MED12L: variants seen among roughly 807,000 people sequenced by gnomAD.
MED12L encodes mediator of RNA polymerase II transcription subunit 12-like protein.
MED12L carries 60 observed loss-of-function variants against 281.3 expected under a neutral mutation model. The ratio of observed to expected loss-of-function variants is 0.21; its 90% confidence interval spans 0.17 to 0.26. MED12L has a LOEUF of 0.26. Ranked by LOEUF, MED12L falls within the 10% of genes least tolerant of loss-of-function variation. The probability of loss-of-function intolerance (pLI) is 1.00; values close to 1 mark genes in which losing one functional copy is unlikely to be tolerated. For synonymous variants in MED12L, 974 were observed against 987.2 expected, an observed-to-expected ratio of 0.99 and a Z score of 0.25; for missense variants, 2,146 against 2,680.9, an observed-to-expected ratio of 0.80 and a Z score of 4.41.
intron 11 of MED12L, among the ~76,000 whole-genome samples, chr3:151,170,779 G>A (rs1576882294): frequency 6.6e-6 from 1 of 152,176 alleles, no homozygotes; most frequent in African/African-American, 2.4e-5. Context: ...TGGTAATACT[G>A]AGGTCAGGGC....
At chr3:151,350,775 GTCT>G (rs1469673556) in intron 17 of MED12L, among the ~76,000 whole-genome samples, 1 of 152,138 alleles carries the variant, frequency 6.6e-6, no homozygotes, top group Non-Finnish European at 1.5e-5. Context: ...GCTCTATAAT[GTCT>G]TCTTTAGTTG....
At chr3:151,251,518 C>G (rs760002874) in intron 16 of MED12L, among the ~76,000 whole-genome samples, 1 of 152,166 alleles carries the variant, frequency 6.6e-6, no homozygotes, top group African/African-American at 2.4e-5. Flanking sequence ...AGAGGAATCC[C>G]TCTAAAATAC....
chr3:151,337,796 A>G (rs1376134000), intron 16 of MED12L: 43 of 1,611,016 alleles, frequency 2.7e-5, no homozygotes, highest in Non-Finnish European at 3.7e-5. Flanking sequence ...AGAGATTGAA[A>G]TATTTCCTTA....
At chr3:151,319,834 G>C (rs536252428) in intron 16 of MED12L, among the ~76,000 whole-genome samples, 65 of 152,028 alleles carry the variant, frequency 4.3e-4, no homozygotes, top group African/African-American at 1.5e-3. Context: ...AAACATATTT[G>C]GTTTAGTCAC....
chr3:151,255,857 T>C (rs755859789), intron 16 of MED12L, among the ~76,000 whole-genome samples: 1 of 152,208 alleles, frequency 6.6e-6, no homozygotes, highest in African/African-American at 2.4e-5. Context: ...AGGCTGGTAA[T>C]GTAATCTCTC....
chr3:151,102,507 T>G (rs1271473712), intron 2 of MED12L, among the ~76,000 whole-genome samples: 1 of 152,166 alleles, frequency 6.6e-6, no homozygotes, highest in Non-Finnish European at 1.5e-5. Context: ...CCATTCTCTT[T>G]CCCCTCTTTT....
intron 16 of MED12L, chr3:151,278,317 T>C (rs1451822731): frequency 6.6e-6 from 1 of 152,224 alleles, no homozygotes; most frequent in Non-Finnish European, 1.5e-5. Flanking sequence ...GTGAGAGTCA[T>C]GCTTCACTCA....
intron 16 of MED12L, among the ~76,000 whole-genome samples, chr3:151,280,096 G>A (rs1577219689): frequency 1.3e-5 from 2 of 152,200 alleles, no homozygotes; most frequent in African/African-American, 4.8e-5. Context: ...TTAATGCCAG[G>A]AGTTGCAAAG....
chr3:151,296,402 T>C (rs1476593248), intron 16 of MED12L, among the ~76,000 whole-genome samples: 1 of 152,198 alleles, frequency 6.6e-6, no homozygotes, highest in Non-Finnish European at 1.5e-5. Context: ...ACATTCTTGC[T>C]GCTGCCACGC....
intron 16 of MED12L, among the ~76,000 whole-genome samples, chr3:151,348,968 A>C (rs911062291): frequency 6.6e-6 from 1 of 152,240 alleles, no homozygotes; most frequent in Non-Finnish European, 1.5e-5. Flanking sequence ...TTCTTTTCTC[A>C]TATAAGCTCC....
At chr3:151,392,290 C>A (rs1714339865) in intron 38 of MED12L, among the ~76,000 whole-genome samples, 1 of 151,346 alleles carries the variant, frequency 6.6e-6, no homozygotes, top group East Asian at 1.9e-4. Flanking sequence ...ATGGTGAAAC[C>A]CCGTATCTAC....
At chr3:151,137,683 C>T (rs1189765499) in intron 5 of MED12L, among the ~76,000 whole-genome samples, 1 of 152,110 alleles carries the variant, frequency 6.6e-6, no homozygotes, top group African/African-American at 2.4e-5. Context: ...ATGTTTATTT[C>T]ATTTCTATTA....
chr3:151,198,103 A>C lies in MED12L; in HGVS notation c.2250+4437A>C, dbSNP rs934414300. The C allele has an allele frequency of 1.7e-5, 3 of 177,978 alleles. No homozygotes were observed. The Admixed American group carries it at 1.8e-4, about 11-fold the overall frequency. 11.0% of individuals were successfully genotyped at this position (177,978 alleles called of 1,614,324 possible). On this transcript the variant is annotated intron_variant, in intron 16 of 44. Transcript: ENST00000687756. ...ATCAAGAAGTCAGTTCCAGGCATTT[A>C]AATGAATAACTCATGAATACCTTTG...
intron 17 of MED12L, among the ~76,000 whole-genome samples, chr3:151,351,675 T>C (rs1753252754): frequency 6.6e-6 from 1 of 152,128 alleles, no homozygotes. Flanking sequence ...TACTTGGCAA[T>C]GGGGTAGGGG....
intron 33 of MED12L, among the ~76,000 whole-genome samples, 164 bp downstream of exon 33, chr3:151,382,909 T>A (rs1712645870): frequency 6.6e-6 from 1 of 152,216 alleles, no homozygotes; most frequent in Non-Finnish European, 1.5e-5. Flanking sequence ...TCTGTTTCCC[T>A]TGCTGCTTTC....
chr3:151,201,247 A>T (rs867899298), intron 16 of MED12L, among the ~76,000 whole-genome samples: 23 of 150,502 alleles, frequency 1.5e-4, no homozygotes, highest in Admixed American at 7.9e-4. Flanking sequence ...TCTCTCTCTC[A>T]CACGCACATT....
intron 39 of MED12L, among the ~76,000 whole-genome samples, chr3:151,403,330 C>T (rs1259625445): frequency 6.6e-6 from 1 of 152,062 alleles, no homozygotes; most frequent in Non-Finnish European, 1.5e-5. Context: ...ATCTCAGTCC[C>T]AGTTTTGAAC....
At chr3:151,199,266 G>A in intron 16 of MED12L, 1 of 1,613,988 alleles carries the variant, frequency 6.2e-7, no homozygotes, top group Non-Finnish European at 8.5e-7. Context: ...GTATTCTTCT[G>A]TATAAAAGCC....
intron 21 of MED12L, among the ~76,000 whole-genome samples, chr3:151,362,016 G>A (rs140695916): frequency 1.3e-3 from 199 of 152,220 alleles, no homozygotes; most frequent in African/African-American, 4.6e-3. Flanking sequence ...GAAGGAGGTA[G>A]GGAAAGGATG....
Sources: allele counts gnomAD v4.1 joint callset (sites outside exome capture counted in the v4.1 genomes callset), GRCh38; gene constraint gnomAD v4.1.1; transcripts MANE v1.5; gene names NCBI Gene and HGNC (gene_info 2026-07-23, HGNC 2026-07-21).